The following ASTN2 variants were observed in gnomAD, a reference collection of about 807,000 sequenced individuals.
ASTN2 encodes astrotactin-2.
ASTN2 carries 54 observed loss-of-function variants against 139.8 expected under a neutral mutation model. The observed-to-expected ratio is 0.39, with a 90% confidence interval of 0.31 to 0.48. ASTN2 has a LOEUF of 0.48. Among genes scored for constraint, ASTN2 ranks in the 20% least tolerant of loss-of-function variants. ASTN2 has a pLI of 0.95. For synonymous variants in ASTN2, 756 were observed against 719.5 expected, an observed-to-expected ratio of 1.05 and a Z score of -0.81; for missense variants, 1,565 against 1,725.1, an observed-to-expected ratio of 0.91 and a Z score of 1.64.
In ASTN2 at chr9:116,651,932, A is replaced by T. The variant is rs142221541; in HGVS notation, c.2807-139T>A. ...AAAAAGATGATAGAGTGATTTATTC[A>T]TGATGCCTTGGAAAGACTGCCAGAC... On this transcript the variant is annotated intron_variant, in intron 16 of 22. Coordinates refer to ENST00000313400, the MANE Select transcript of ASTN2 (RefSeq NM_001365068.1). 4.0e-3 allele frequency: 4,263 copies of T among 1,077,542 alleles called. 24 individuals carry two copies. The highest frequency in any genetic ancestry group is 3.7e-3 in the Non-Finnish European group (2,814 of 764,574). 66.7% of individuals were successfully genotyped at this position (1,077,542 alleles called of 1,614,324 possible).
intron 5 of ASTN2, among the ~76,000 whole-genome samples, chr9:117,057,232 A>G (rs569675449): frequency 2.0e-5 from 3 of 152,260 alleles, no homozygotes; most frequent in African/African-American, 7.2e-5. Flanking sequence ...TGATACATCT[A>G]AGTTATATAT....
At chr9:117,261,013 G>A (rs984397729) in intron 2 of ASTN2, among the ~76,000 whole-genome samples, 1 of 152,176 alleles carries the variant, frequency 6.6e-6, no homozygotes, top group African/African-American at 2.4e-5. Flanking sequence ...TGAATAAATT[G>A]TAAAGTGAAG....
Position 116,883,413 on chromosome 9 carries a change from T to C in ASTN2, c.1890-19680A>G, listed in dbSNP as rs139518118. ...GAGACTACATGGTGGACAGCCCTTATATTTGTTTATATAATATCCATGTCC... is the reference window on the plus strand; with the variant it reads ...GAGACTACATGGTGGACAGCCCTTACATTTGTTTATATAATATCCATGTCC... On this transcript the variant is annotated intron_variant, in intron 10 of 22. Coordinates refer to ENST00000313400, the MANE Select transcript of ASTN2 (RefSeq NM_001365068.1). Among the ~76,000 whole-genome samples the C allele has an allele frequency of 2.6e-3, 392 of 152,328 alleles. 2 individuals carry two copies. The highest frequency in any genetic ancestry group is 9.2e-3 in the African/African-American group (384 of 41,578).
intron 1 of ASTN2, among the ~76,000 whole-genome samples, chr9:117,345,695 G>A (rs1369010813): frequency 6.6e-6 from 1 of 152,142 alleles, no homozygotes; most frequent in Non-Finnish European, 1.5e-5. Flanking sequence ...AAATAACTGA[G>A]GCAAAGGGCT....
Position 116,812,276 on chromosome 9 carries a change from G to A in ASTN2, c.2208-6456C>T, listed in dbSNP as rs150489716. On this transcript the variant is annotated intron_variant, in intron 12 of 22. Transcript: ENST00000313400. ...CTGACATGGCAAAGGAGACTTTGAA[G>A]ATGGGATTAAGTAAAGAATTTTGAG... Among the ~76,000 whole-genome samples, 30 of 152,332 alleles carry A rather than the reference G, an allele frequency of 2.0e-4. 1 individual carries two copies. In the South Asian group the frequency reaches 6.0e-3, roughly 31 times the overall value.
At chr9:117,198,091 C>T (rs1831568899) in intron 3 of ASTN2, among the ~76,000 whole-genome samples, 1 of 151,684 alleles carries the variant, frequency 6.6e-6, no homozygotes, top group African/African-American at 2.4e-5. Flanking sequence ...GGGGTACATA[C>T]ACAGAATGTG....
intron 13 of ASTN2, among the ~76,000 whole-genome samples, chr9:116,780,112 G>A (rs1830179741): frequency 6.6e-6 from 1 of 152,108 alleles, no homozygotes; most frequent in Non-Finnish European, 1.5e-5. Context: ...TCTAACTTGA[G>A]TACTGATTCT....
chr9:116,805,808 C>T lies in ASTN2; in HGVS notation c.2220G>A (p.Glu740=). ...TIFMFCGCVE[E]YKLAPDGKSC... ...ATTTTCCATCAGGAGCCAGTTTGTA[C>T]TCCTCCACGCAACTGTATGATAAAA... Residue 740 remains glutamate (E), a synonymous_variant, in exon 13 of 23, where the codon GAG becomes GAA. Coordinates refer to ENST00000313400, the MANE Select transcript of ASTN2 (RefSeq NM_001365068.1). 3 of 1,613,718 alleles carry T rather than the reference C, an allele frequency of 1.9e-6. No individual in the cohort carries two copies. The highest frequency in any genetic ancestry group is 2.5e-6 in the Non-Finnish European group (3 of 1,179,714).
chr9:116,942,075 CACGT>C (rs140771414), intron 10 of ASTN2, among the ~76,000 whole-genome samples: 61,271 of 146,274 alleles, frequency 0.42, 14,357 homozygotes, highest in Non-Finnish European at 0.53. Flanking sequence ...CATGCAAGTG[CACGT>C]ACGCACGCAC....
chr9:116,892,316 G>T (rs1833780936), intron 10 of ASTN2, among the ~76,000 whole-genome samples: 1 of 152,166 alleles, frequency 6.6e-6, no homozygotes, highest in African/African-American at 2.4e-5. Flanking sequence ...AAATAAATTA[G>T]TTGAGAAAGT....
At chr9:117,027,433 C>T (rs958121122) in intron 6 of ASTN2, among the ~76,000 whole-genome samples, 6 of 152,158 alleles carry the variant, frequency 3.9e-5, no homozygotes, top group African/African-American at 1.2e-4. Context: ...GTAAACCCTC[C>T]CATTAGATCC....
chr9:117,088,329 G>A (rs1828620564), intron 5 of ASTN2, among the ~76,000 whole-genome samples: 1 of 152,082 alleles, frequency 6.6e-6, no homozygotes, highest in Admixed American at 6.6e-5. Flanking sequence ...ACCTTGGCAG[G>A]TACTCTTCCA....
intron 1 of ASTN2, 138 bp from the exon 2 acceptor site, chr9:117,291,651 G>C (rs1358569514): frequency 1.1e-5 from 7 of 662,414 alleles, no homozygotes; most frequent in Non-Finnish European, 5.1e-6. Flanking sequence ...TCAAGTCTAT[G>C]AGATAGGGAT....
intron 13 of ASTN2, among the ~76,000 whole-genome samples, chr9:116,744,423 T>A (rs915892016): frequency 6.6e-6 from 1 of 151,908 alleles, no homozygotes; most frequent in African/African-American, 2.4e-5. Flanking sequence ...GATAGGAGCT[T>A]CAAAAAGACT....
chr9:117,283,458 GT>G (rs2130770527), intron 2 of ASTN2, among the ~76,000 whole-genome samples: 1 of 152,256 alleles, frequency 6.6e-6, no homozygotes, highest in Non-Finnish European at 1.5e-5. Context: ...CATGGGGTAT[GT>G]CCCACTTTTG....
At chr9:117,301,982 A>T (rs910729505) in intron 1 of ASTN2, among the ~76,000 whole-genome samples, 2 of 46,468 alleles carry the variant, frequency 4.3e-5, no homozygotes, top group South Asian at 2.5e-3. Context: ...AGCCTAGAGC[A>T]GCATTTAGCC....
chr9:116,781,902 C>T (rs1830228968), intron 13 of ASTN2, among the ~76,000 whole-genome samples: 1 of 151,938 alleles, frequency 6.6e-6, no homozygotes, highest in African/African-American at 2.4e-5. Context: ...TATATCACAA[C>T]AAGCAGAGGA....
At chr9:117,030,680 A>T (rs1384423747) in intron 6 of ASTN2, among the ~76,000 whole-genome samples, 1 of 151,930 alleles carries the variant, frequency 6.6e-6, no homozygotes, top group African/African-American at 2.4e-5. Context: ...ATCAGTTACT[A>T]TTTAAGGCAG....
At chr9:117,301,095 T>A (rs1045141859) in intron 1 of ASTN2, among the ~76,000 whole-genome samples, 3 of 152,174 alleles carry the variant, frequency 2.0e-5, no homozygotes, top group Non-Finnish European at 2.9e-5. Flanking sequence ...TCAGATTAGA[T>A]TTGGAAATAG....
Sources: gnomAD v4.1 joint callset for allele counts (sites outside exome capture counted in the v4.1 genomes callset) on GRCh38, gnomAD v4.1.1 for gene constraint, MANE v1.5 for transcripts, NCBI Gene and HGNC (gene_info 2026-07-23, HGNC 2026-07-21) for gene names.